PSMD1: variants seen among roughly 807,000 people sequenced by gnomAD.
PSMD1 encodes proteasome 26S subunit, non-ATPase 1.
Under a neutral mutation model 119.0 loss-of-function variants are expected in PSMD1, and 18 were observed. That is an observed-to-expected ratio of 0.15 (90% CI 0.10 to 0.22). The LOEUF is 0.22. PSMD1 is among the 10% of genes least tolerant of loss of function. PSMD1 has a pLI of 1.00. For missense variants in PSMD1, 702 were observed against 1,158.5 expected, an observed-to-expected ratio of 0.61 and a Z score of 5.72; for synonymous variants, 374 against 396.6, an observed-to-expected ratio of 0.94 and a Z score of 0.68.
intron 16 of PSMD1, among the ~76,000 whole-genome samples, chr2:231,105,054 CAT>C (rs1389357132): frequency 1.3e-5 from 2 of 152,114 alleles, no homozygotes; most frequent in Admixed American, 1.3e-4. Context: ...TTAGTAAACA[CAT>C]ATTTGTAGTT....
At chr2:231,082,782 C>A in intron 12 of PSMD1, 101 bp from the exon 13 acceptor site, 1 of 826,350 alleles carries the variant, frequency 1.2e-6, no homozygotes, top group Non-Finnish European at 1.9e-6. Context: ...ACTGAGCCAA[C>A]CTCTGCATAT....
chr2:231,099,177 A>G (rs1694804078), intron 16 of PSMD1, among the ~76,000 whole-genome samples: 1 of 152,300 alleles, frequency 6.6e-6, no homozygotes, highest in African/African-American at 2.4e-5. Flanking sequence ...AAGGGATCCC[A>G]TGCGCTGGAA....
At chr2:231,081,851 C>T (rs978347546) in intron 12 of PSMD1, among the ~76,000 whole-genome samples, 13 of 152,154 alleles carry the variant, frequency 8.5e-5, no homozygotes, top group African/African-American at 3.1e-4. Flanking sequence ...ACCTTTTTCT[C>T]CTCTGTCTTT....
chr2:231,085,080 A>G lies in PSMD1; in HGVS notation c.1784A>G (p.Asn595Ser). 1 of 1,614,086 alleles carries G rather than the reference A, an allele frequency of 6.2e-7. No homozygotes were observed. The highest frequency in any genetic ancestry group is 8.5e-7 in the Non-Finnish European group (1 of 1,179,942). ...GCCATGGCTTATTGTGGCTCTGGTA[A>G]CAACAAAGCAATTCGACGCCTGCTA... Reference protein sequence around the residue: ...TVAMAYCGSGNNKAIRRLLHV... With the variant: ...TVAMAYCGSGSNKAIRRLLHV... The change falls in exon 15 of 25, where the codon AAC becomes AGC. Residue 595 changes from asparagine to serine, a missense_variant. Asn to Ser is a conservative substitution (Grantham distance 46). Coordinates refer to ENST00000308696, the MANE Select transcript of PSMD1 (RefSeq NM_002807.4).
At chr2:231,091,832 G>GTA (rs1559226591) in intron 16 of PSMD1, among the ~76,000 whole-genome samples, 1 of 152,168 alleles carries the variant, frequency 6.6e-6, no homozygotes, top group Non-Finnish European at 1.5e-5. Context: ...TCCCAACTAT[G>GTA]TATTGGTTGA....
Position 231,132,118 on chromosome 2 carries a change from G to T in PSMD1, c.1884-6618G>T, listed in dbSNP as rs550095373. Among the ~76,000 whole-genome samples, 12 of 152,290 alleles carry T rather than the reference G, an allele frequency of 7.9e-5. No individual in the cohort carries two copies. In the South Asian group the frequency reaches 2.5e-3, roughly 32 times the overall value. The stretch of plus-strand genomic sequence containing the variant: ...GGCAAAATTTTTTCTAAACCTCATG[G>T]AATTGTTAGTGCCTTTTGGGAAGCA... On this transcript the variant is annotated intron_variant, in intron 16 of 24. Transcript: ENST00000308696.
intron 16 of PSMD1, among the ~76,000 whole-genome samples, chr2:231,129,385 T>G (rs1695802746): frequency 6.6e-6 from 1 of 152,164 alleles, no homozygotes; most frequent in Admixed American, 6.5e-5. Context: ...AGAGCTCTAT[T>G]TATTATGGTG....
intron 16 of PSMD1, among the ~76,000 whole-genome samples, chr2:231,103,577 C>A (rs556682389): frequency 6.6e-6 from 1 of 152,306 alleles, no homozygotes; most frequent in South Asian, 2.1e-4. Flanking sequence ...CTCTTCTTTT[C>A]TCTTTTAAAA....
intron 16 of PSMD1, among the ~76,000 whole-genome samples, chr2:231,103,183 A>G (rs1694909100): frequency 6.6e-6 from 1 of 152,228 alleles, no homozygotes; most frequent in Non-Finnish European, 1.5e-5. Flanking sequence ...GGAAATGTTG[A>G]ATAAAACAGA....
chr2:231,161,251 AAG>A, intron 19 of PSMD1, 87 bp from the exon 20 acceptor site: 26 of 1,274,992 alleles, frequency 2.0e-5, no homozygotes, highest in Admixed American at 2.5e-5. Flanking sequence ...AAAAAAAAAA[AAG>A]AAAGAAAGAA....
intron 16 of PSMD1, among the ~76,000 whole-genome samples, chr2:231,135,665 A>G (rs1047794115): frequency 1.3e-5 from 2 of 152,190 alleles, no homozygotes; most frequent in Non-Finnish European, 2.9e-5. Flanking sequence ...ATTATAAAGG[A>G]GAAAACCCAA....
At chr2:231,106,086 A>G (rs1694967268) in intron 16 of PSMD1, among the ~76,000 whole-genome samples, 1 of 147,578 alleles carries the variant, frequency 6.8e-6, no homozygotes, top group African/African-American at 2.5e-5. Context: ...AGATAAGACT[A>G]TTAACTGGAG....
intron 16 of PSMD1, chr2:231,108,411 G>T: frequency 1.3e-6 from 1 of 798,314 alleles, no homozygotes; most frequent in South Asian, 1.6e-5. Context: ...TTAAAGAGAT[G>T]ATTTGATATA....
rs563515215 is a variant in PSMD1 at position 231,153,544 on chromosome 2, T to A, written c.2116-20T>A. On this transcript the variant is annotated intron_variant, in intron 18 of 24. Transcript: ENST00000308696. ...CAAATGAGTAGACTTAGACTATAAT[T>A]CTTTCTCTTGCTCCTTCAGGTGAAT... 4 of 1,526,724 alleles carry A rather than the reference T, an allele frequency of 2.6e-6. No individual in the cohort carries two copies. Among genetic ancestry groups the A allele is most frequent in the East Asian group, 4.5e-5 (2 of 44,452 alleles). 94.6% of individuals were successfully genotyped at this position (1,526,724 alleles called of 1,614,324 possible).
chr2:231,161,758 C>T (rs749388132), intron 20 of PSMD1, among the ~76,000 whole-genome samples: 1 of 152,090 alleles, frequency 6.6e-6, no homozygotes, highest in Non-Finnish European at 1.5e-5. Flanking sequence ...AGAGAGGGGG[C>T]TAAATATAAA....
chr2:231,096,838 G>A (rs544655912), intron 16 of PSMD1, among the ~76,000 whole-genome samples: 9 of 152,294 alleles, frequency 5.9e-5, no homozygotes, highest in Non-Finnish European at 1.0e-4. Context: ...AGAGAATGAC[G>A]GGGTGAGCGC....
intron 10 of PSMD1, 49 bp downstream of exon 10, chr2:231,078,796 T>C (rs747872187): frequency 2.3e-5 from 29 of 1,239,354 alleles, no homozygotes; most frequent in East Asian, 7.9e-5. Flanking sequence ...TTTTTCTTTT[T>C]TTTTTTTTTT....
At chr2:231,076,667 C>CAT (rs926635191) in intron 8 of PSMD1, among the ~76,000 whole-genome samples, 6 of 151,746 alleles carry the variant, frequency 4.0e-5, no homozygotes, top group Admixed American at 1.3e-4. Context: ...AAAAAAAAAT[C>CAT]ATATATATAT....
intron 16 of PSMD1, among the ~76,000 whole-genome samples, chr2:231,097,930 G>A (rs531042456): frequency 6.6e-6 from 1 of 152,252 alleles, no homozygotes; most frequent in South Asian, 2.1e-4. Flanking sequence ...TCTGCTTGGG[G>A]ATGAACAAGG....
Sources: gnomAD v4.1 joint callset for allele counts (sites outside exome capture counted in the v4.1 genomes callset) on GRCh38, gnomAD v4.1.1 for gene constraint, MANE v1.5 for transcripts, NCBI Gene and HGNC (gene_info 2026-07-23, HGNC 2026-07-21) for gene names.